PDE3B: variants seen among roughly 807,000 people sequenced by gnomAD.
PDE3B encodes the protein phosphodiesterase 3B, also known as cGMP-inhibited 3',5'-cyclic phosphodiesterase 3B.
A neutral mutation model predicts 116.8 loss-of-function variants in PDE3B; 66 were observed. The ratio of observed to expected loss-of-function variants is 0.56; its 90% CI spans 0.46 to 0.69. PDE3B has a LOEUF of 0.69. Ranked by LOEUF, PDE3B falls within the 30% of genes least tolerant of loss-of-function variation. PDE3B has a pLI of 0.00. For missense variants in PDE3B, 1,384 were observed against 1,368.1 expected (o/e 1.01, Z -0.18); for synonymous variants, 595 against 533.6 (o/e 1.12, Z -1.59).
chr11:14,703,787 T>C (rs1391125048), intron 1 of PDE3B, among the ~76,000 whole-genome samples: 1 of 151,888 alleles, frequency 6.6e-6, no homozygotes, highest in Non-Finnish European at 1.5e-5. Flanking sequence ...TGTGTGTGTG[T>C]GTGAGACATT....
chr11:14,653,805 C>G (rs1200100033), intron 1 of PDE3B, among the ~76,000 whole-genome samples: 1 of 151,972 alleles, frequency 6.6e-6, no homozygotes, highest in African/African-American at 2.4e-5. Context: ...TCGAGACCAG[C>G]CTGGGCAACA....
intron 5 of PDE3B, 132 bp from the exon 6 acceptor site, chr11:14,818,051 T>G: frequency 3.1e-6 from 2 of 638,444 alleles, no homozygotes. Context: ...ATGCAGGAAT[T>G]TATAATTTAT....
intron 6 of PDE3B, 141 bp from the exon 7 acceptor site, chr11:14,818,995 T>C (rs967576296): frequency 5.7e-6 from 3 of 523,056 alleles, no homozygotes; most frequent in Non-Finnish European, 1.1e-5. Flanking sequence ...TTAAAGCCTT[T>C]GAACTTTATG....
chr11:14,770,586 A>G (rs1857611960), intron 1 of PDE3B, among the ~76,000 whole-genome samples: 1 of 151,594 alleles, frequency 6.6e-6, no homozygotes, highest in South Asian at 2.1e-4. Context: ...AAATAATTAT[A>G]TCAGGACCAC....
At chr11:14,867,140 A>G (rs1245716843) in intron 14 of PDE3B, among the ~76,000 whole-genome samples, 4 of 152,074 alleles carry the variant, frequency 2.6e-5, no homozygotes, top group Admixed American at 2.6e-4. Flanking sequence ...CATTTGAGAT[A>G]TAACTACAAC....
chr11:14,714,986 G>C (rs141949911), intron 1 of PDE3B, among the ~76,000 whole-genome samples: 1 of 152,118 alleles, frequency 6.6e-6, no homozygotes, highest in Non-Finnish European at 1.5e-5. Flanking sequence ...CACAGCAAAT[G>C]AATTTTGATA....
chr11:14,764,933 G>A (rs374951955), intron 1 of PDE3B, among the ~76,000 whole-genome samples: 8 of 150,896 alleles, frequency 5.3e-5, no homozygotes, highest in African/African-American at 1.7e-4. Flanking sequence ...GTTACATAGG[G>A]TTCAAGGTTA....
At chr11:14,875,394 A>G (rs1026792137), downstream of PDE3B, among the ~76,000 whole-genome samples, 1 of 152,122 alleles carries the variant, frequency 6.6e-6, no homozygotes, top group Middle Eastern at 3.4e-3. Context: ...TCCTTTTCCT[A>G]TCCTTAATGG....
chr11:14,667,984 A>T (rs1361025888), intron 1 of PDE3B, among the ~76,000 whole-genome samples: 3 of 152,000 alleles, frequency 2.0e-5, no homozygotes, highest in Non-Finnish European at 4.4e-5. Context: ...ATTTTCAGAC[A>T]TTATAAAAAG....
chr11:14,807,339 A>G (rs886790337), intron 5 of PDE3B, among the ~76,000 whole-genome samples: 2 of 152,202 alleles, frequency 1.3e-5, no homozygotes, highest in African/African-American at 2.4e-5. Context: ...ATATATAACA[A>G]TAGCATAGAG....
Position 14,714,567 on chromosome 11 carries a change from A to G in PDE3B, c.979-57370A>G, listed in dbSNP as rs77978344. Among the ~76,000 whole-genome samples, 375 of 150,876 alleles carry G rather than the reference A, an allele frequency of 2.5e-3. 7 individuals are homozygous for G. The East Asian group carries it at 0.041, about 16-fold the overall frequency. On this transcript the variant is annotated intron_variant, in intron 1 of 15. Transcript: ENST00000282096. ...AAAAAAAAAAAAAAAAAAGAAATAC[A>G]TGTTTTATACCCTCAGATTTAATTG...
At chr11:14,845,455 G>T (rs975130393) in intron 12 of PDE3B, among the ~76,000 whole-genome samples, 4 of 152,196 alleles carry the variant, frequency 2.6e-5, no homozygotes, top group African/African-American at 9.6e-5. Context: ...AAGGAACTCA[G>T]CTCCTCACCA....
intron 1 of PDE3B, among the ~76,000 whole-genome samples, chr11:14,668,904 A>G (rs7924479): frequency 9.9e-5 from 15 of 152,210 alleles, no homozygotes; most frequent in African/African-American, 2.4e-4. Context: ...GAGATCACAC[A>G]TTAAGCCTTG....
intron 2 of PDE3B, among the ~76,000 whole-genome samples, chr11:14,780,199 C>A (rs1857940198): frequency 6.6e-6 from 1 of 152,124 alleles, no homozygotes; most frequent in Non-Finnish European, 1.5e-5. Context: ...GACTTAGACT[C>A]CCACACAATA....
chr11:14,644,899 ATCC>A lies in PDE3B; in HGVS notation c.827_829del (p.Pro276del). On this transcript the variant is annotated inframe_deletion, in exon 1 of 16. Coordinates refer to ENST00000282096, the MANE Select transcript of PDE3B (RefSeq NM_000922.4). ...TTTCAAATCAGGGAAGCGCCTCTTC[ATCC>A]TCGACTGTCCAGTGCCGCCGAAGAA... The A allele has an allele frequency of 1.9e-6, 3 of 1,614,014 alleles. No homozygotes were observed. Among genetic ancestry groups the A allele is most frequent in the Non-Finnish European group, 2.5e-6 (3 of 1,180,014 alleles).
chr11:14,669,441 G>C (rs779014269), intron 1 of PDE3B, among the ~76,000 whole-genome samples: 22 of 152,228 alleles, frequency 1.4e-4, no homozygotes, highest in South Asian at 4.1e-4. Context: ...ATCTGGAGGG[G>C]CAAATGAAAT....
intron 1 of PDE3B, among the ~76,000 whole-genome samples, chr11:14,757,349 C>T (rs1054905800): frequency 1.3e-5 from 2 of 149,178 alleles, no homozygotes; most frequent in African/African-American, 5.0e-5. Context: ...AATGGTATTT[C>T]TAGTTCTAGA....
intron 1 of PDE3B, among the ~76,000 whole-genome samples, chr11:14,745,816 A>T (rs1347694923): frequency 1.3e-5 from 2 of 152,198 alleles, no homozygotes; most frequent in Non-Finnish European, 2.9e-5. Flanking sequence ...ATTAATGTAT[A>T]TTGGCTGGAT....
intron 1 of PDE3B, among the ~76,000 whole-genome samples, chr11:14,688,113 TTCTC>T (rs35700152): frequency 0.076 from 8,339 of 109,742 alleles, 246 homozygotes; most frequent in Non-Finnish European, 0.11. Flanking sequence ...CTCTCTCTCT[TTCTC>T]TCTCTCTCTC....
Sources: gnomAD v4.1 joint callset for allele counts (sites outside exome capture counted in the v4.1 genomes callset) on GRCh38, gnomAD v4.1.1 for gene constraint, MANE v1.5 for transcripts, NCBI Gene and HGNC (gene_info 2026-07-23, HGNC 2026-07-21) for gene names.